JADE2: variants seen among roughly 807,000 people sequenced by gnomAD.
JADE2 encodes the protein jade family PHD finger 2.
A neutral mutation model predicts 85.7 loss-of-function variants in JADE2; 13 were observed. The observed-to-expected ratio is 0.15, with a 90% CI of 0.10 to 0.24. JADE2 has a LOEUF of 0.24. Among genes scored for constraint, JADE2 ranks in the 10% least tolerant of loss-of-function variants. The probability of loss-of-function intolerance (pLI) is 1.00; values close to 1 mark genes in which losing one functional copy is unlikely to be tolerated. For missense variants in JADE2, 846 were observed against 1,115.9 expected, an observed-to-expected ratio of 0.76 and a Z score of 3.45; for synonymous variants, 440 against 456.1, an observed-to-expected ratio of 0.96 and a Z score of 0.45.
chr5:134,567,647 A>G (rs910538269), intron 9 of JADE2, among the ~76,000 whole-genome samples: 3 of 152,192 alleles, frequency 2.0e-5, no homozygotes, highest in East Asian at 1.9e-4. Flanking sequence ...TCTTATCTGC[A>G]TCGCAGTGGG....
intron 4 of JADE2, among the ~76,000 whole-genome samples, chr5:134,554,541 T>G (rs1301214358): frequency 6.6e-6 from 1 of 152,236 alleles, no homozygotes; most frequent in Non-Finnish European, 1.5e-5. Flanking sequence ...GGCTTCAGTC[T>G]GCCTGTAGGG....
At chr5:134,556,173 G>A (rs891409736) in intron 4 of JADE2, among the ~76,000 whole-genome samples, 6 of 152,164 alleles carry the variant, frequency 3.9e-5, no homozygotes, top group African/African-American at 1.4e-4. Flanking sequence ...CCTTGCCCCC[G>A]ACCCCAGGAT....
At chr5:134,538,418 G>T (rs61202798) in intron 3 of JADE2, among the ~76,000 whole-genome samples, 1 of 152,140 alleles carries the variant, frequency 6.6e-6, no homozygotes, top group Non-Finnish European at 1.5e-5. Context: ...CTTAGAGCTG[G>T]GTGGTAGCAG....
chr5:134,572,358 G>A (rs145270627), intron 9 of JADE2, among the ~76,000 whole-genome samples: 34 of 152,386 alleles, frequency 2.2e-4, no homozygotes, highest in African/African-American at 7.5e-4. Flanking sequence ...TGAGGCTGGA[G>A]CCACCTTTGT....
intron 3 of JADE2, among the ~76,000 whole-genome samples, chr5:134,551,327 C>A (rs1282526373): frequency 6.6e-6 from 1 of 152,234 alleles, no homozygotes; most frequent in African/African-American, 2.4e-5. Flanking sequence ...CTCCTGGGCT[C>A]AAGCAATCCT....
intron 11 of JADE2, among the ~76,000 whole-genome samples, chr5:134,577,950 A>G (rs1764485143): frequency 6.6e-6 from 1 of 152,126 alleles, no homozygotes. Context: ...CAACGCTTAT[A>G]AAGACTGAGC....
At position 134,566,103 on chromosome 5, in the gene JADE2, C is replaced by G; in HGVS notation, c.970-13C>G. 8 of 1,605,626 alleles carry G rather than the reference C, an allele frequency of 5.0e-6. No homozygotes were observed. The highest frequency in any genetic ancestry group is 6.8e-6 in the Non-Finnish European group (8 of 1,174,582). The stretch of plus-strand genomic sequence containing the variant: ...TCCCTCCATGTCTGATCCTGCCCCT[C>G]CTTTCCCCTCAGTGTTCCATGCCTT... On this transcript the variant is annotated splice_polypyrimidine_tract_variant and intron_variant, in intron 8 of 11. Coordinates refer to ENST00000681547, the MANE Select transcript of JADE2 (RefSeq NM_001388185.1). The surrounding 1 kb of genome is among the most constrained non-coding windows in gnomAD (Gnocchi z 6.7).
At chr5:134,568,191 T>G (rs1474493131) in intron 9 of JADE2, among the ~76,000 whole-genome samples, 1 of 152,128 alleles carries the variant, frequency 6.6e-6, no homozygotes, top group Non-Finnish European at 1.5e-5. Context: ...GTCATCATCC[T>G]GGAAAAAGAG....
intron 9 of JADE2, 38 bp from the exon 10 acceptor site, chr5:134,573,607 C>T (rs370816200): frequency 1.0e-5 from 15 of 1,490,822 alleles, no homozygotes; most frequent in Non-Finnish European, 1.4e-5. Context: ...GGGGTGGTTG[C>T]CTGTGAGTAA....
chr5:134,531,552 C>T (rs1761237102), intron 1 of JADE2, among the ~76,000 whole-genome samples: 3 of 151,990 alleles, frequency 2.0e-5, no homozygotes, highest in Non-Finnish European at 2.9e-5. Context: ...GCTGGAACTA[C>T]AGGTGCATAT....
chr5:134,579,105 CCGGGT>C lies in JADE2; in HGVS notation c.2294_2298del (p.Pro765ArgfsTer4), dbSNP rs1561770308. 1 of 1,614,132 alleles carries C rather than the reference CCGGGT, an allele frequency of 6.2e-7. No individual in the cohort carries two copies. The highest frequency in any genetic ancestry group is 2.2e-5 in the East Asian group (1 of 44,886). ...CGAGAGCAAGGTAACCCGGAGATTG[CCGGGT>C]GCCAGGCCTGATGCTGGGATGGGAC... On this transcript the variant is annotated frameshift_variant, in exon 12 of 12. Transcript: ENST00000681547. LOFTEE classifies it high-confidence loss of function. The surrounding 1 kb of genome is among the most constrained non-coding windows in gnomAD (Gnocchi z 4.6).
chr5:134,533,900 C>A (rs1368832779), intron 1 of JADE2, among the ~76,000 whole-genome samples: 1 of 152,126 alleles, frequency 6.6e-6, no homozygotes, highest in Non-Finnish European at 1.5e-5. Context: ...GCATGTGCCA[C>A]TACAACTGGC....
intron 9 of JADE2, among the ~76,000 whole-genome samples, chr5:134,568,587 G>GT (rs1172868615): frequency 6.6e-6 from 1 of 152,190 alleles, no homozygotes; most frequent in African/African-American, 2.4e-5. Context: ...CAATTTTGAA[G>GT]TATGTGCAGC....
chr5:134,566,194 G>A lies in JADE2; in HGVS notation c.1048G>A (p.Ala350Thr), dbSNP rs772023998. The change falls in exon 9 of 12, where the codon GCA becomes ACA. Residue 350 changes from alanine (A) to threonine (T), a missense_variant. Around this residue, in one of 9 missense-constraint regions of JADE2, gnomAD observed 39 missense variants for 37.6 expected, o/e 1.04. Coordinates refer to ENST00000681547, the MANE Select transcript of JADE2 (RefSeq NM_001388185.1). The surrounding 1 kb of genome is among the most constrained non-coding windows in gnomAD (Gnocchi z 6.7). ...CGGCCTGGAAATGCGGACTATATTA[G>A]CAGACAACGATGAGGTCAAGTTCAA... is the stretch of plus-strand genomic sequence containing the variant. ...DHGLEMRTIL[A>T]DNDEVKFKSF... The A allele has an allele frequency of 3.1e-6, 5 of 1,614,080 alleles. No individual in the cohort carries two copies. The highest frequency in any genetic ancestry group is 4.2e-6 in the Non-Finnish European group (5 of 1,180,030).
intron 3 of JADE2, among the ~76,000 whole-genome samples, chr5:134,539,285 G>C (rs954988025): frequency 3.3e-5 from 5 of 152,004 alleles, no homozygotes; most frequent in African/African-American, 7.3e-5. Flanking sequence ...GGATGGTCTC[G>C]ACCTCCTGAC....
intron 4 of JADE2, among the ~76,000 whole-genome samples, chr5:134,556,695 A>C (rs1207620868): frequency 6.1e-5 from 5 of 81,546 alleles, no homozygotes; most frequent in African/African-American, 1.0e-4. Flanking sequence ...CACATCACAC[A>C]ACACATACAC....
chr5:134,533,533 T>C (rs1433139357), intron 1 of JADE2: 1 of 985,238 alleles, frequency 1.0e-6, no homozygotes, highest in Non-Finnish European at 1.2e-6. Flanking sequence ...CGGAAGTACC[T>C]TCTTTGCAGG....
At chr5:134,542,074 G>A (rs1217319161) in intron 3 of JADE2, among the ~76,000 whole-genome samples, 1 of 152,264 alleles carries the variant, frequency 6.6e-6, no homozygotes, top group East Asian at 1.9e-4. Flanking sequence ...TTTGGTGGAA[G>A]TGCGCAAAGC....
chr5:134,556,020 T>C (rs1438520291), intron 4 of JADE2, among the ~76,000 whole-genome samples: 1 of 152,202 alleles, frequency 6.6e-6, no homozygotes, highest in African/African-American at 2.4e-5. Flanking sequence ...CCCCGTCTCC[T>C]TCATCCTTCC....
Sources: allele counts gnomAD v4.1 joint callset (sites outside exome capture counted in the v4.1 genomes callset), GRCh38; gene constraint gnomAD v4.1.1; regional missense constraint gnomAD v4.1.1; non-coding constraint Gnocchi (gnomAD v3.1); transcripts MANE v1.5; gene names NCBI Gene and HGNC (gene_info 2026-07-23, HGNC 2026-07-21).